The following KNTC1 variants were observed in gnomAD, a reference collection of about 807,000 sequenced individuals.
KNTC1 encodes kinetochore associated 1.
Under a neutral mutation model 314.4 loss-of-function variants are expected in KNTC1, and 253 were observed. The ratio of observed to expected loss-of-function variants is 0.80; its 90% CI spans 0.73 to 0.89. The LOEUF (loss-of-function observed/expected upper bound fraction) is 0.89. Among genes scored for constraint, KNTC1 ranks in the 40% least tolerant of loss-of-function variants. The probability of loss-of-function intolerance (pLI) is 0.00; values close to 1 mark genes in which losing one functional copy is unlikely to be tolerated. For synonymous variants in KNTC1, 901 were observed against 901.4 expected (o/e 1.00, Z 0.01); for missense variants, 2,475 against 2,572.9 (o/e 0.96, Z 0.82).
intron 51 of KNTC1, among the ~76,000 whole-genome samples, chr12:122,606,835 C>G (rs544773487): frequency 6.6e-6 from 1 of 152,170 alleles, no homozygotes; most frequent in Admixed American, 6.5e-5. Context: ...GGCATGCCCC[C>G]TTACCCCCTG....
At chr12:122,568,554 G>A (rs568986479) in intron 21 of KNTC1, among the ~76,000 whole-genome samples, 182 bp downstream of exon 21, 5 of 152,212 alleles carry the variant, frequency 3.3e-5, no homozygotes, top group Admixed American at 3.3e-4. Flanking sequence ...CTTTCCCCAT[G>A]GGCTGGGCGC....
intron 3 of KNTC1, 70 bp from the exon 4 acceptor site, chr12:122,538,269 T>C: frequency 1.1e-6 from 1 of 893,260 alleles, no homozygotes. Flanking sequence ...ATGAGAAAAA[T>C]TTGTATTTTT....
rs1593648483 is a variant in KNTC1, at chr12:122,597,807, G to A, written c.4432G>A (p.Gly1478Ser). The A allele has an allele frequency of 6.2e-7, 1 of 1,614,046 alleles. No homozygotes were observed. Reference sequence around the variant, plus strand: ...GCTCCACAACACAAATGCCGGCCAAGGCCAGGGAGATGCAAGCATGGACTC... The same window carrying A: ...GCTCCACAACACAAATGCCGGCCAAAGCCAGGGAGATGCAAGCATGGACTC... ...TLLHNTNAGQ[G>S]QGDASMDSAK... The change falls in exon 44 of 64, where the codon GGC becomes AGC. Residue 1478 changes from glycine (G) to serine (S), a missense_variant. By Grantham distance (56) the Gly-to-Ser change is moderately conservative. Coordinates refer to ENST00000333479, the MANE Select transcript of KNTC1 (RefSeq NM_014708.6).
Position 122,582,830 on chromosome 12 carries a change from A to AGAGCCCATAGCTGCTGAGGTGAG in KNTC1, c.3116_3138dup (p.Ser1047Ter). 6.2e-7 allele frequency: 1 copy of AGAGCCCATAGCTGCTGAGGTGAG among 1,612,206 alleles called. No individual in the cohort carries two copies. Among genetic ancestry groups the AGAGCCCATAGCTGCTGAGGTGAG allele is most frequent in the Non-Finnish European group, 8.5e-7 (1 of 1,179,078 alleles). On this transcript the variant is annotated frameshift_variant, in exon 34 of 64. Transcript: ENST00000333479. LOFTEE classifies it high-confidence loss of function. Reference sequence around the variant, plus strand: ...CGAAACACAAACCTGGGAGCACCCCAGAGCCCATAGCTGCTGAGGTGAGGA... The same window carrying AGAGCCCATAGCTGCTGAGGTGAG: ...CGAAACACAAACCTGGGAGCACCCCAGAGCCCATAGCTGCTGAGGTGAGGAGCCCATAGCTGCTGAGGTGAGGA...
intron 53 of KNTC1, 61 bp from the exon 54 acceptor site, chr12:122,613,051 C>T: frequency 2.4e-6 from 2 of 848,664 alleles, no homozygotes; most frequent in Non-Finnish European, 4.0e-6. Context: ...TATGTTGAAA[C>T]TCATTTACCC....
At position 122,547,931 on chromosome 12, in the gene KNTC1, C is replaced by T. The variant is rs61751321; in HGVS notation, c.949C>T (p.Leu317Phe). 4,056 of 1,546,456 alleles carry T rather than the reference C, an allele frequency of 2.6e-3. 12 individuals carry two copies. Among genetic ancestry groups the T allele is most frequent in the South Asian group, 3.0e-3 (241 of 80,542 alleles). ...CTCTTTTAGGCAAGGAATTACAAAT[C>T]TCAAATTAATAGCTCTGACAGCTTC... ...SSVTWQGITN[L>F]KLIALTASAN... Residue 317 changes from leucine (L) to phenylalanine (F), a missense_variant, in exon 12 of 64, where the codon CTC (leucine) becomes TTC (phenylalanine). Transcript: ENST00000333479.
chr12:122,529,905 G>A, intron 1 of KNTC1, 86 bp from the exon 2 acceptor site: 1 of 643,166 alleles, frequency 1.6e-6, no homozygotes, highest in Admixed American at 3.4e-5. Context: ...AGACTAAGAT[G>A]TCTGTATATG....
At chr12:122,571,842 T>G (rs1964708026) in intron 24 of KNTC1, among the ~76,000 whole-genome samples, 1 of 151,794 alleles carries the variant, frequency 6.6e-6, no homozygotes, top group Non-Finnish European at 1.5e-5. Context: ...GCTAATTTTT[T>G]TTATACTTTT....
chr12:122,543,057 TGC>T (rs1448870655), intron 6 of KNTC1, among the ~76,000 whole-genome samples: 1 of 151,966 alleles, frequency 6.6e-6, no homozygotes, highest in Non-Finnish European at 1.5e-5. Flanking sequence ...GGATTACAGG[TGC>T]GCACCACCAC....
chr12:122,549,961 G>A (rs1279249602), intron 13 of KNTC1, 97 bp downstream of exon 13: 5 of 660,154 alleles, frequency 7.6e-6, no homozygotes, highest in African/African-American at 1.8e-5. Context: ...ATTAAGCTAA[G>A]CATTAGTGGA....
At chr12:122,604,722 TG>T in intron 49 of KNTC1, 85 bp downstream of exon 49, 1 of 1,230,964 alleles carries the variant, frequency 8.1e-7, no homozygotes, top group Non-Finnish European at 1.2e-6. Flanking sequence ...GCTGCCCTGG[TG>T]CCTAAAATGG....
intron 16 of KNTC1, 132 bp downstream of exon 16, chr12:122,551,828 G>A: frequency 2.8e-6 from 2 of 704,348 alleles, no homozygotes; most frequent in South Asian, 3.5e-5. Flanking sequence ...GACTGAAGTT[G>A]ATTAGAGATT....
At chr12:122,619,735 A>G (rs1356678060) in intron 59 of KNTC1, among the ~76,000 whole-genome samples, 1 of 150,802 alleles carries the variant, frequency 6.6e-6, no homozygotes, top group African/African-American at 2.4e-5. Flanking sequence ...ATACCAAAAT[A>G]TCTTGATTAT....
At chr12:122,597,696 T>C in intron 43 of KNTC1, 35 bp from the exon 44 acceptor site, 1 of 1,568,952 alleles carries the variant, frequency 6.4e-7, no homozygotes, top group African/African-American at 1.4e-5. Context: ...TGCCTGCAGT[T>C]TGGGAGACTG....
intron 30 of KNTC1, 137 bp from the exon 31 acceptor site, chr12:122,577,535 G>T: frequency 1.1e-6 from 1 of 916,598 alleles, no homozygotes. Context: ...TGGATTTTCG[G>T]ATTATTAAAA....
chr12:122,531,999 C>G (rs878861188), intron 2 of KNTC1, among the ~76,000 whole-genome samples: 1 of 148,468 alleles, frequency 6.7e-6, no homozygotes, highest in Non-Finnish European at 1.5e-5. Context: ...TCCCAAAGTG[C>G]TGGGATTACA....
At chr12:122,541,690 C>T (rs1319520437) in intron 5 of KNTC1, among the ~76,000 whole-genome samples, 1 of 151,896 alleles carries the variant, frequency 6.6e-6, no homozygotes, top group African/African-American at 2.4e-5. Context: ...TTCAAACAGA[C>T]ACTGGTTTAA....
intron 52 of KNTC1, among the ~76,000 whole-genome samples, chr12:122,610,204 A>G (rs1872969133): frequency 6.6e-6 from 1 of 152,184 alleles, no homozygotes; most frequent in Non-Finnish European, 1.5e-5. Context: ...TTTTAAGGGA[A>G]AGGCCACCTT....
chr12:122,626,094 T>G, intron 63 of KNTC1, 111 bp from the exon 64 acceptor site: 1 of 744,646 alleles, frequency 1.3e-6, no homozygotes, highest in Non-Finnish European at 2.3e-6. Context: ...CCAAATAGTT[T>G]GATATGTAGA....
Sources: gnomAD v4.1 joint callset for allele counts (sites outside exome capture counted in the v4.1 genomes callset) on GRCh38, gnomAD v4.1.1 for gene constraint, MANE v1.5 for transcripts, NCBI Gene and HGNC (gene_info 2026-07-23, HGNC 2026-07-21) for gene names.